CYP2C18: variants seen among roughly 807,000 people sequenced by gnomAD.
CYP2C18 encodes cytochrome P450 2C18.
CYP2C18 carries 38 observed loss-of-function variants against 41.3 expected under a neutral mutation model. The ratio of observed to expected loss-of-function variants is 0.92; its 90% CI spans 0.71 to 1.21. The LOEUF (loss-of-function observed/expected upper bound fraction) is 1.21. Ranked by LOEUF, CYP2C18 falls within the 50% of genes most tolerant of loss-of-function variation. The pLI is 0.00. For missense variants in CYP2C18, 635 were observed against 591.4 expected (o/e 1.07, Z -0.77); for synonymous variants, 236 against 210.0 (o/e 1.12, Z -1.07).
intron 5 of CYP2C18, among the ~76,000 whole-genome samples, chr10:94,716,773 C>T (rs1847553786): frequency 6.6e-6 from 1 of 152,144 alleles, no homozygotes; most frequent in South Asian, 2.1e-4. Flanking sequence ...CTAATGTTGA[C>T]AGTGGGGTGT....
At chr10:94,705,305 G>A (rs1174075432) in intron 4 of CYP2C18, among the ~76,000 whole-genome samples, 3 of 152,172 alleles carry the variant, frequency 2.0e-5, no homozygotes, top group African/African-American at 7.2e-5. Flanking sequence ...AGTGGGAGCT[G>A]AACAAGGAGA....
At chr10:94,713,643 G>C (rs1199616197) in intron 5 of CYP2C18, among the ~76,000 whole-genome samples, 1 of 152,154 alleles carries the variant, frequency 6.6e-6, no homozygotes, top group Non-Finnish European at 1.5e-5. Flanking sequence ...ATAAACATAC[G>C]TGTGCATGTG....
rs577620459 is a variant in CYP2C18, at chr10:94,700,233, C to G, written c.642+5156C>G. On this transcript the variant is annotated intron_variant, in intron 4 of 8. Transcript: ENST00000285979. ...CACTACCTGACTTCAAACTATACTA[C>G]AAGGCTACAGTAAGCAAAACAGCAT... 9.8e-5 allele frequency among the ~76,000 whole-genome samples: 15 copies of G among 152,326 alleles called. No individual in the cohort carries two copies. The East Asian group carries it at 2.7e-3, about 27-fold the overall frequency.
intron 6 of CYP2C18, among the ~76,000 whole-genome samples, chr10:94,721,452 T>A (rs193115985): frequency 5.7e-4 from 87 of 152,296 alleles, no homozygotes; most frequent in Admixed American, 3.5e-3. Flanking sequence ...CATTTTTTAA[T>A]GTTTTGGTAA....
intron 5 of CYP2C18, among the ~76,000 whole-genome samples, chr10:94,718,766 T>C (rs1022921514): frequency 2.0e-5 from 3 of 152,134 alleles, no homozygotes; most frequent in African/African-American, 7.2e-5. Context: ...ACTGGTACTT[T>C]TTCCAGTGGT....
intron 1 of CYP2C18, among the ~76,000 whole-genome samples, chr10:94,684,193 G>C (rs1846841076): frequency 6.6e-6 from 1 of 152,066 alleles, no homozygotes; most frequent in Non-Finnish European, 1.5e-5. Flanking sequence ...TCATTTCTTT[G>C]TAGTGAGAAC....
intron 1 of CYP2C18, among the ~76,000 whole-genome samples, chr10:94,684,769 A>C (rs1237588747): frequency 3.3e-5 from 5 of 152,036 alleles, no homozygotes; most frequent in Non-Finnish European, 7.4e-5. Flanking sequence ...TTTTAGGAAC[A>C]TCCATACTGT....
Position 94,695,023 on chromosome 10 carries a change from CT to C in CYP2C18, c.590del (p.Leu197Ter), listed in dbSNP as rs1254810806. The stretch of plus-strand genomic sequence containing the variant: ...ATTATAAAGATCAGAGGTTTCTTAA[CT>C]TGATGGAAAAATTCAATGAAAACCT... ...FDYKDQRFLN[L>X]MEKFNENLRI... On this transcript the variant is annotated frameshift_variant, in exon 4 of 9. Coordinates refer to ENST00000285979, the MANE Select transcript of CYP2C18 (RefSeq NM_000772.3). LOFTEE classifies it high-confidence loss of function. The C allele has an allele frequency of 1.9e-6, 3 of 1,613,082 alleles. No homozygotes were observed. The highest frequency in any genetic ancestry group is 2.5e-6 in the Non-Finnish European group (3 of 1,179,864).
At chr10:94,734,318 T>G (rs774064344) in intron 8 of CYP2C18, among the ~76,000 whole-genome samples, 1 of 152,120 alleles carries the variant, frequency 6.6e-6, no homozygotes, top group Non-Finnish European at 1.5e-5. Context: ...TTCCCTTCAT[T>G]TTTTCCTCTG....
chr10:94,733,561 T>C lies in CYP2C18; in HGVS notation c.1291+123T>C, dbSNP rs1847870572. On this transcript the variant is annotated intron_variant, in intron 8 of 8. Coordinates refer to ENST00000285979, the MANE Select transcript of CYP2C18 (RefSeq NM_000772.3). ...TTGCTTTGCAGATCATTAGCACCAT[T>C]CCCTATGCCCATGCGATTTCCCTGC... The C allele has an allele frequency of 1.8e-5, 27 of 1,505,428 alleles. No individual in the cohort carries two copies. In the Admixed American group the frequency reaches 2.1e-4, roughly 12 times the overall value. 93.3% of individuals were successfully genotyped at this position (1,505,428 alleles called of 1,614,324 possible).
At chr10:94,697,748 G>T (rs890337550) in intron 4 of CYP2C18, among the ~76,000 whole-genome samples, 8 of 152,184 alleles carry the variant, frequency 5.3e-5, no homozygotes, top group Non-Finnish European at 1.0e-4. Flanking sequence ...CTCATGTACA[G>T]AGACATACAT....
chr10:94,696,572 C>A (rs1278065991), intron 4 of CYP2C18, among the ~76,000 whole-genome samples: 1 of 152,064 alleles, frequency 6.6e-6, no homozygotes, highest in Admixed American at 6.5e-5. Flanking sequence ...AATCAGAGTG[C>A]CTCTCCTCCC....
At chr10:94,722,585 TA>T (rs1238317729) in intron 6 of CYP2C18, among the ~76,000 whole-genome samples, 1 of 152,080 alleles carries the variant, frequency 6.6e-6, no homozygotes, top group Admixed American at 6.6e-5. Flanking sequence ...ATAGTCCCCA[TA>T]AGGCTGAGTA....
intron 3 of CYP2C18, among the ~76,000 whole-genome samples, chr10:94,692,271 C>A (rs1490261122): frequency 6.6e-6 from 1 of 151,962 alleles, no homozygotes; most frequent in African/African-American, 2.4e-5. Flanking sequence ...TTGCAACCTA[C>A]TCATCTGACA....
chr10:94,724,978 G>C (rs1226293068), intron 7 of CYP2C18, among the ~76,000 whole-genome samples: 1 of 151,216 alleles, frequency 6.6e-6, no homozygotes, highest in Admixed American at 6.6e-5. Flanking sequence ...TATTGTGTCA[G>C]TAATGTTTTG....
At chr10:94,734,903 C>T (rs1847893657) in intron 8 of CYP2C18, among the ~76,000 whole-genome samples, 1 of 152,152 alleles carries the variant, frequency 6.6e-6, no homozygotes, top group African/African-American at 2.4e-5. Context: ...GGGGAACACA[C>T]TATATGAGCC....
At chr10:94,718,457 G>T (rs779890866) in intron 5 of CYP2C18, among the ~76,000 whole-genome samples, 2 of 151,944 alleles carry the variant, frequency 1.3e-5, no homozygotes, top group Non-Finnish European at 2.9e-5. Flanking sequence ...TCATTGCTCT[G>T]GCTAGTACTT....
At chr10:94,684,684 A>T (rs1204899167) in intron 1 of CYP2C18, among the ~76,000 whole-genome samples, 1 of 152,186 alleles carries the variant, frequency 6.6e-6, no homozygotes, top group Admixed American at 6.5e-5. Context: ...TGTCTTCCAC[A>T]TACTGACTTC....
chr10:94,716,759 C>A (rs1209978857), intron 5 of CYP2C18, among the ~76,000 whole-genome samples: 1 of 152,158 alleles, frequency 6.6e-6, no homozygotes, highest in Non-Finnish European at 1.5e-5. Flanking sequence ...TCTCCTTGAT[C>A]TGTCTAATGT....
Sources: allele counts gnomAD v4.1 joint callset (sites outside exome capture counted in the v4.1 genomes callset), GRCh38; gene constraint gnomAD v4.1.1; transcripts MANE v1.5; gene names NCBI Gene and HGNC (gene_info 2026-07-23, HGNC 2026-07-21).